Variants in IPP observed in about 807,000 individuals in gnomAD.
IPP encodes intracisternal A particle-promoted polypeptide.
A neutral mutation model predicts 64.1 loss-of-function variants in IPP; 41 were observed. That is an observed-to-expected ratio of 0.64 (90% CI 0.50 to 0.83). The LOEUF (loss-of-function observed/expected upper bound fraction) is 0.83, where lower values mean the gene tolerates loss of function less well. Ranked by LOEUF, IPP falls within the 40% of genes least tolerant of loss-of-function variation. The probability of loss-of-function intolerance (pLI) is 0.00; values close to 1 mark genes in which losing one functional copy is unlikely to be tolerated. For missense variants in IPP, 649 were observed against 703.0 expected (o/e 0.92, Z 0.87); for synonymous variants, 214 against 235.2 (o/e 0.91, Z 0.83).
chr1:45,726,160 T>TAAAAAAAA (rs71062704), intron 5 of IPP, among the ~76,000 whole-genome samples: 7 of 141,318 alleles, frequency 5.0e-5, no homozygotes, highest in Non-Finnish European at 9.1e-5. Flanking sequence ...ACCCCATCTC[T>TAAAAAAAA]AAAAAAAAAA....
At chr1:45,738,859 A>AACAAAAAAAAC (rs1557758689) in intron 3 of IPP, among the ~76,000 whole-genome samples, 35 of 151,132 alleles carry the variant, frequency 2.3e-4, no homozygotes, top group South Asian at 8.3e-4. Flanking sequence ...AAAAAAAAAA[A>AACAAAAAAAAC]AAAAAACAAG....
chr1:45,729,918 T>C (rs2148571567), intron 3 of IPP, 149 bp from the exon 4 acceptor site: 1 of 569,792 alleles, frequency 1.8e-6, no homozygotes, highest in East Asian at 3.1e-5. Context: ...ATACCAAATA[T>C]TGGTACTGAC....
intron 8 of IPP, among the ~76,000 whole-genome samples, chr1:45,713,117 A>G (rs897191170): frequency 3.9e-5 from 6 of 152,182 alleles, no homozygotes; most frequent in Non-Finnish European, 5.9e-5. Context: ...GAATCTAGAA[A>G]AAAAGAGCTG....
intron 5 of IPP, among the ~76,000 whole-genome samples, chr1:45,724,095 C>T (rs1645769908): frequency 6.6e-6 from 1 of 151,466 alleles, no homozygotes; most frequent in South Asian, 2.1e-4. Flanking sequence ...GATTCTCCTG[C>T]CTCAGCCTGC....
Position 45,738,956 on chromosome 1 carries a change from C to G in IPP, c.724+1945G>C, listed in dbSNP as rs553639355. On this transcript the variant is annotated intron_variant, in intron 3 of 8. Coordinates refer to ENST00000396478, the MANE Select transcript of IPP (RefSeq NM_005897.3). The stretch of plus-strand genomic sequence containing the variant: ...CTTGCAGGAACCTAAACCTGTATTT[C>G]CCCTAGGAGCAATTGTTCAGTATTT... Among the ~76,000 whole-genome samples the G allele has an allele frequency of 4.0e-5, 6 of 151,100 alleles. No individual in the cohort carries two copies. The South Asian group carries it at 1.3e-3, about 32-fold the overall frequency.
At position 45,746,312 on chromosome 1, in the gene IPP, G is replaced by T; in HGVS notation, c.100C>A (p.Gln34Lys). 1 of 1,613,848 alleles carries T rather than the reference G, an allele frequency of 6.2e-7. No individual in the cohort carries two copies. Among genetic ancestry groups the T allele is most frequent in the Non-Finnish European group, 8.5e-7 (1 of 1,179,768 alleles). Residue 34 changes from glutamine (Q) to lysine (K), a missense_variant, in exon 2 of 9, where the codon CAG (glutamine) becomes AAG (lysine). Coordinates refer to ENST00000396478, the MANE Select transcript of IPP (RefSeq NM_005897.3). The stretch of plus-strand genomic sequence containing the variant: ...TGCAGCTGCACATCACAGAAATGCT[G>T]TCCATTTCTCATCTTATTGATTTGG... ...LAQINKMRNG[Q>K]HFCDVQLQVG...
In IPP at chr1:45,729,784, A is replaced by T. The variant is rs201744630; in HGVS notation, c.725-15T>A. ...ATCGGATACTCCTAAAACAATATTT[A>T]AAAAGACAATGTTTTAAACAATTTT... On this transcript the variant is annotated splice_polypyrimidine_tract_variant and intron_variant, in intron 3 of 8. Transcript: ENST00000396478. The T allele has an allele frequency of 1.9e-4, 283 of 1,468,868 alleles. 1 individual carries two copies. The highest frequency in any genetic ancestry group is 4.9e-5 in the Non-Finnish European group (53 of 1,081,676). 91.0% of individuals were successfully genotyped at this position (1,468,868 alleles called of 1,614,324 possible).
At chr1:45,737,042 C>CAAAA (rs367755391) in intron 3 of IPP, among the ~76,000 whole-genome samples, 1 of 112,760 alleles carries the variant, frequency 8.9e-6, no homozygotes, top group South Asian at 3.2e-4. Context: ...GACTCCATCT[C>CAAAA]AAAAAAAAAA....
chr1:45,695,924 C>A (rs894293943), downstream of IPP, among the ~76,000 whole-genome samples: 1 of 152,204 alleles, frequency 6.6e-6, no homozygotes, highest in African/African-American at 2.4e-5. Flanking sequence ...CCACCTTGGC[C>A]TCCCAAAATT....
intron 3 of IPP, among the ~76,000 whole-genome samples, chr1:45,732,361 C>CAAAAAAAAAAAAAA (rs779442718): frequency 1.1e-3 from 65 of 59,682 alleles, no homozygotes; most frequent in East Asian, 1.4e-3. Flanking sequence ...GACTCCACCT[C>CAAAAAAAAAAAAAA]AAAAAAAAAA....
downstream of IPP, among the ~76,000 whole-genome samples, chr1:45,696,410 G>A (rs536055403): frequency 3.9e-5 from 6 of 152,166 alleles, no homozygotes; most frequent in Non-Finnish European, 7.4e-5. Flanking sequence ...ACTACAGTTT[G>A]GTAACCCAGA....
chr1:45,738,500 A>C (rs1646009471), intron 3 of IPP, among the ~76,000 whole-genome samples: 1 of 152,074 alleles, frequency 6.6e-6, no homozygotes, highest in South Asian at 2.1e-4. Flanking sequence ...CCATGAGTTC[A>C]TTGTTAATGA....
At chr1:45,740,434 G>A (rs1218983463) in intron 3 of IPP, among the ~76,000 whole-genome samples, 6 of 152,160 alleles carry the variant, frequency 3.9e-5, no homozygotes, top group South Asian at 2.1e-4. Context: ...CGGACGGGGC[G>A]GCTGGCCGGG....
chr1:45,695,819 G>A (rs949561678), downstream of IPP, among the ~76,000 whole-genome samples: 9 of 152,030 alleles, frequency 5.9e-5, no homozygotes, highest in East Asian at 1.9e-4. Context: ...ACAGGCATGC[G>A]CCACCATGCC....
In IPP at chr1:45,729,596, T is replaced by C; in HGVS notation, c.880+18A>G. The stretch of plus-strand genomic sequence containing the variant: ...AACACAAATATAATTTCTATTACTT[T>C]TTTAAGGGCTCTCTCACCTACTGCA... On this transcript the variant is annotated intron_variant, in intron 4 of 8. Coordinates refer to ENST00000396478, the MANE Select transcript of IPP (RefSeq NM_005897.3). 1 of 1,591,432 alleles carries C rather than the reference T, an allele frequency of 6.3e-7. No individual in the cohort carries two copies. Among genetic ancestry groups the C allele is most frequent in the African/African-American group, 1.3e-5 (1 of 74,096 alleles).
chr1:45,745,739 G>A (rs926345260), intron 2 of IPP, among the ~76,000 whole-genome samples: 2 of 151,542 alleles, frequency 1.3e-5, no homozygotes, highest in African/African-American at 2.4e-5. Flanking sequence ...GGTGGCATGC[G>A]CCTGTGTCCC....
chr1:45,730,120 G>T (rs1403924004), intron 3 of IPP, among the ~76,000 whole-genome samples: 6 of 152,226 alleles, frequency 3.9e-5, no homozygotes, highest in Admixed American at 6.5e-5. Flanking sequence ...GGCCAAGTCA[G>T]GTGGATTGCT....
intron 6 of IPP, among the ~76,000 whole-genome samples, chr1:45,718,530 G>A (rs1341529292): frequency 1.3e-5 from 2 of 151,626 alleles, no homozygotes; most frequent in African/African-American, 2.4e-5. Flanking sequence ...ACCATCCCCC[G>A]CCTGAGTGCC....
chr1:45,726,059 T>G (rs1374772201), intron 5 of IPP, among the ~76,000 whole-genome samples: 2 of 144,614 alleles, frequency 1.4e-5, no homozygotes, highest in Non-Finnish European at 3.0e-5. Flanking sequence ...AATCCCCCTC[T>G]GCGAGAAACA....
Sources: gnomAD v4.1 joint callset for allele counts (sites outside exome capture counted in the v4.1 genomes callset) on GRCh38, gnomAD v4.1.1 for gene constraint, MANE v1.5 for transcripts, NCBI Gene and HGNC (gene_info 2026-07-23, HGNC 2026-07-21) for gene names.